DLC1: variants seen among roughly 807,000 people sequenced by gnomAD.
The protein encoded by DLC1 is rho GTPase-activating protein 7.
Under a neutral mutation model 140.3 loss-of-function variants are expected in DLC1, and 54 were observed. The ratio of observed to expected loss-of-function variants is 0.38; its 90% CI spans 0.31 to 0.48. DLC1 has a LOEUF of 0.48. Ranked by LOEUF, DLC1 falls within the 20% of genes least tolerant of loss-of-function variation. The probability of loss-of-function intolerance (pLI) is 0.96; values close to 1 mark genes in which losing one functional copy is unlikely to be tolerated. For missense variants in DLC1, 2,536 were observed against 1,907.0 expected (o/e 1.33, Z -6.14); for synonymous variants, 986 against 728.1 (o/e 1.35, Z -5.70).
At chr8:13,550,860 C>T (rs1436963606) in intron 1 of DLC1, among the ~76,000 whole-genome samples, 2 of 151,972 alleles carry the variant, frequency 1.3e-5, no homozygotes. Context: ...AACAGTAGCC[C>T]TTAATGGTGC....
chr8:13,451,745 C>T (rs1232899677), intron 2 of DLC1, among the ~76,000 whole-genome samples: 3 of 152,142 alleles, frequency 2.0e-5, no homozygotes, highest in Non-Finnish European at 4.4e-5. Flanking sequence ...ATATGGGGCA[C>T]ATGTTCTTTA....
intron 2 of DLC1, among the ~76,000 whole-genome samples, chr8:13,472,866 C>G (rs1175137016): frequency 6.6e-6 from 1 of 152,144 alleles, no homozygotes; most frequent in Non-Finnish European, 1.5e-5. Context: ...TCTTCTTCCT[C>G]TTTATTTTTG....
chr8:13,510,108 T>C (rs914055942), intron 1 of DLC1, among the ~76,000 whole-genome samples: 1 of 151,912 alleles, frequency 6.6e-6, no homozygotes, highest in African/African-American at 2.4e-5. Flanking sequence ...TCTATGTCCA[T>C]GATATTTCAA....
intron 5 of DLC1, among the ~76,000 whole-genome samples, chr8:13,277,331 G>A (rs1391855628): frequency 2.6e-5 from 4 of 152,096 alleles, no homozygotes; most frequent in Non-Finnish European, 5.9e-5. Context: ...ATAAAATAAG[G>A]AAATGGACAC....
At chr8:13,236,041 C>T (rs1829261319) in intron 5 of DLC1, among the ~76,000 whole-genome samples, 1 of 151,504 alleles carries the variant, frequency 6.6e-6, no homozygotes, top group Non-Finnish European at 1.5e-5. Context: ...AGTATGGAAC[C>T]CATTTTTCAA....
chr8:13,434,261 A>G (rs1839013438), intron 2 of DLC1, among the ~76,000 whole-genome samples: 2 of 152,310 alleles, frequency 1.3e-5, no homozygotes, highest in South Asian at 4.2e-4. Context: ...ACTAGCTAAC[A>G]ATAGAGGTGA....
chr8:13,258,354 T>C (rs1317961183), intron 5 of DLC1, among the ~76,000 whole-genome samples: 2 of 152,192 alleles, frequency 1.3e-5, no homozygotes, highest in Admixed American at 1.3e-4. Context: ...GTAATCATAT[T>C]TTTACTATTT....
At chr8:13,248,376 A>G (rs1829854381) in intron 5 of DLC1, among the ~76,000 whole-genome samples, 1 of 151,886 alleles carries the variant, frequency 6.6e-6, no homozygotes, top group African/African-American at 2.4e-5. Context: ...TAGTTGCAGG[A>G]AGAAAGACTC....
intron 5 of DLC1, among the ~76,000 whole-genome samples, chr8:13,255,812 T>C (rs187343547): frequency 7.3e-4 from 111 of 152,354 alleles, no homozygotes; most frequent in African/African-American, 2.6e-3. Context: ...TTTGCAGCAA[T>C]TGGCAGAGTG....
intron 2 of DLC1, among the ~76,000 whole-genome samples, chr8:13,490,565 C>A (rs1445612791): frequency 6.6e-6 from 1 of 152,140 alleles, no homozygotes; most frequent in African/African-American, 2.4e-5. Context: ...TTTATCCCAA[C>A]TTGTGTGGAT....
intron 2 of DLC1, among the ~76,000 whole-genome samples, chr8:13,495,718 C>T (rs374970945): frequency 3.3e-5 from 5 of 152,094 alleles, no homozygotes; most frequent in Non-Finnish European, 5.9e-5. Context: ...GAAATATCAT[C>T]GGAAACTAAG....
At chr8:13,151,418 C>T (rs778708150) in intron 5 of DLC1, among the ~76,000 whole-genome samples, 32 of 152,236 alleles carry the variant, frequency 2.1e-4, no homozygotes, top group Non-Finnish European at 4.1e-4. Context: ...AACAACTTGC[C>T]TAAGGTCATA....
chr8:13,309,884 A>G (rs1230646324), intron 4 of DLC1, among the ~76,000 whole-genome samples: 1 of 152,166 alleles, frequency 6.6e-6, no homozygotes, highest in Admixed American at 6.5e-5. Context: ...CTTCCTGATG[A>G]CTTAGGAATA....
chr8:13,515,095 T>C (rs1049501247), upstream of DLC1, among the ~76,000 whole-genome samples: 1 of 152,022 alleles, frequency 6.6e-6, no homozygotes, highest in African/African-American at 2.4e-5. Flanking sequence ...ACACTGCTTA[T>C]GAAAAAAGAA....
chr8:13,569,567 T>C (rs1375540361), intron 1 of DLC1, among the ~76,000 whole-genome samples: 3 of 152,172 alleles, frequency 2.0e-5, no homozygotes, highest in Non-Finnish European at 2.9e-5. Flanking sequence ...AAGGGCATGC[T>C]CCACCCTTTT....
intron 4 of DLC1, among the ~76,000 whole-genome samples, chr8:13,343,090 G>C (rs1834153575): frequency 1.3e-5 from 2 of 152,090 alleles, no homozygotes; most frequent in African/African-American, 2.4e-5. Context: ...GCTATATACT[G>C]CTGATATTTT....
chr8:13,460,868 C>T (rs1248903533), intron 2 of DLC1, among the ~76,000 whole-genome samples: 2 of 152,192 alleles, frequency 1.3e-5, no homozygotes, highest in Non-Finnish European at 2.9e-5. Context: ...TATGGAGTTA[C>T]AGTGGCTTAT....
intron 2 of DLC1, among the ~76,000 whole-genome samples, chr8:13,407,607 G>A (rs1837623139): frequency 6.6e-6 from 1 of 152,176 alleles, no homozygotes; most frequent in Non-Finnish European, 1.5e-5. Flanking sequence ...TGGACGATTG[G>A]TTTGGCATAT....
chr8:13,257,636 T>G (rs1451429614), intron 5 of DLC1, among the ~76,000 whole-genome samples: 1 of 152,022 alleles, frequency 6.6e-6, no homozygotes, highest in Non-Finnish European at 1.5e-5. Flanking sequence ...AAAAATTATT[T>G]AGTGGAATTT....
Sources: gnomAD v4.1 joint callset for allele counts (sites outside exome capture counted in the v4.1 genomes callset) on GRCh38, gnomAD v4.1.1 for gene constraint, MANE v1.5 for transcripts, NCBI Gene and HGNC (gene_info 2026-07-23, HGNC 2026-07-21) for gene names.